The following ABL1 variants were observed in gnomAD, a reference collection of about 807,000 sequenced individuals.
ABL1 encodes the protein tyrosine-protein kinase ABL1.
A neutral mutation model predicts 94.7 loss-of-function variants in ABL1; 11 were observed. The ratio of observed to expected loss-of-function variants is 0.12; its 90% CI spans 0.07 to 0.19. The LOEUF (loss-of-function observed/expected upper bound fraction) is 0.19. Ranked by LOEUF, ABL1 falls within the 10% of genes least tolerant of loss-of-function variation. The probability of loss-of-function intolerance (pLI) is 1.00; values close to 1 mark genes in which losing one functional copy is unlikely to be tolerated. For synonymous variants in ABL1, 656 were observed against 622.4 expected, an observed-to-expected ratio of 1.05 and a Z score of -0.80; for missense variants, 1,082 against 1,489.4, an observed-to-expected ratio of 0.73 and a Z score of 4.50.
At chr9:130,763,492 T>C (rs1010351322) in intron 1 of ABL1, among the ~76,000 whole-genome samples, 6 of 152,100 alleles carry the variant, frequency 3.9e-5, no homozygotes, top group Admixed American at 3.9e-4. Context: ...GTTAGCTGAG[T>C]GGTTCTAGCT....
At chr9:130,811,632 A>C (rs1224206664) in intron 1 of ABL1, among the ~76,000 whole-genome samples, 1 of 152,144 alleles carries the variant, frequency 6.6e-6, no homozygotes, top group Non-Finnish European at 1.5e-5. Context: ...TAATGAGCCA[A>C]CAACAATAAA....
intron 1 of ABL1, among the ~76,000 whole-genome samples, chr9:130,817,832 C>T (rs890984204): frequency 3.9e-5 from 6 of 152,256 alleles, no homozygotes; most frequent in East Asian, 1.9e-4. Flanking sequence ...GTGTATTGAT[C>T]CATCCATCCA....
At chr9:130,823,088 G>T (rs1830385785) in intron 1 of ABL1, among the ~76,000 whole-genome samples, 1 of 152,166 alleles carries the variant, frequency 6.6e-6, no homozygotes, top group South Asian at 2.1e-4. Context: ...GAGCCACCGT[G>T]CCCGGCCTTC....
chr9:130,798,145 C>A (rs974918317), intron 1 of ABL1, among the ~76,000 whole-genome samples: 5 of 152,132 alleles, frequency 3.3e-5, no homozygotes. Context: ...TAAGAAAAAT[C>A]TTTTTAATCA....
chr9:130,783,615 CTG>C (rs1430044811), intron 1 of ABL1, among the ~76,000 whole-genome samples: 1 of 152,058 alleles, frequency 6.6e-6, no homozygotes, highest in Non-Finnish European at 1.5e-5. Flanking sequence ...AAGGTGAACA[CTG>C]TGGAAGTTTG....
At chr9:130,718,092 C>A (rs1410182686) in intron 1 of ABL1, among the ~76,000 whole-genome samples, 1 of 151,226 alleles carries the variant, frequency 6.6e-6, no homozygotes, top group African/African-American at 2.4e-5. Context: ...ATGAGGCAGG[C>A]GGATCACTTG....
intron 1 of ABL1, among the ~76,000 whole-genome samples, chr9:130,769,799 TC>T (rs1312640242): frequency 6.6e-6 from 1 of 152,158 alleles, no homozygotes; most frequent in Non-Finnish European, 1.5e-5. Flanking sequence ...ACAGAACAGT[TC>T]TATCACCCCC....
At chr9:130,823,769 CTT>C (rs1830393248) in intron 1 of ABL1, among the ~76,000 whole-genome samples, 1 of 152,126 alleles carries the variant, frequency 6.6e-6, no homozygotes. Flanking sequence ...GAAATGGAGT[CTT>C]TATTCTGGGG....
chr9:130,794,086 A>C (rs1272295860), intron 1 of ABL1, among the ~76,000 whole-genome samples: 2 of 152,128 alleles, frequency 1.3e-5, no homozygotes, highest in African/African-American at 4.8e-5. Context: ...TAATATAAAT[A>C]AAGTGCACAA....
intron 1 of ABL1, among the ~76,000 whole-genome samples, chr9:130,808,625 G>A (rs562993542): frequency 9.2e-5 from 14 of 152,194 alleles, no homozygotes; most frequent in Admixed American, 3.3e-4. Context: ...GACTTGCCTC[G>A]CATTCATCTT....
chr9:130,885,055 C>T lies in ABL1; in HGVS notation c.2765C>T (p.Ala922Val), dbSNP rs746334503. The change falls in exon 11 of 11, where the codon GCG (alanine) becomes GTG (valine). Residue 922 changes from alanine to valine, a missense_variant. This residue lies in a region of ABL1 where 780 missense variants were observed against 835.8 expected (regional missense o/e 0.93). Transcript: ENST00000318560. ...GKPSQSPSQEAAGEAVLGAKT... is the reference protein window; with the variant it reads ...GKPSQSPSQEVAGEAVLGAKT... ...CCCTCGCAGAGCCCGAGCCAGGAGG[C>T]GGCCGGGGAGGCAGTCCTGGGCGCA... The T allele has an allele frequency of 1.1e-5, 17 of 1,609,658 alleles. No homozygotes were observed. Among genetic ancestry groups the T allele is most frequent in the East Asian group, 8.9e-5 (4 of 44,800 alleles).
chr9:130,862,607 A>G lies in ABL1; in HGVS notation c.550-156A>G, dbSNP rs895077778. On this transcript the variant is annotated intron_variant, in intron 3 of 10. Coordinates refer to ENST00000318560, the MANE Select transcript of ABL1 (RefSeq NM_005157.6). The surrounding 1 kb of genome is among the most constrained non-coding windows in gnomAD (Gnocchi z 5.5). Reference sequence around the variant, plus strand: ...ACTTAGAGCACACGTAGAGAAAGACAGCAGAAGTGATCTTCTAAACACTCT... The same window carrying G: ...ACTTAGAGCACACGTAGAGAAAGACGGCAGAAGTGATCTTCTAAACACTCT... Among the ~76,000 whole-genome samples, 3 of 151,894 alleles carry G rather than the reference A, an allele frequency of 2.0e-5. No homozygotes were observed. The highest frequency in any genetic ancestry group is 4.4e-5 in the Non-Finnish European group (3 of 68,042).
rs531915780 is a variant in ABL1, at chr9:130,875,634, AT to A, written c.1270+585del. ...TTTGCTCATTGTCTCCCATGGTGTG[AT>A]TTAATATGTTCCTCTGACTTCAGTA... On this transcript the variant is annotated intron_variant, in intron 7 of 10. Transcript: ENST00000318560. 3.0e-3 allele frequency among the ~76,000 whole-genome samples: 455 copies of A among 152,096 alleles called. 4 individuals are homozygous for A. Among genetic ancestry groups the A allele is most frequent in the Admixed American group, 6.6e-3 (101 of 15,274 alleles).
At chr9:130,724,120 A>T (rs932481053) in intron 1 of ABL1, among the ~76,000 whole-genome samples, 3 of 150,958 alleles carry the variant, frequency 2.0e-5, no homozygotes, top group East Asian at 2.0e-4. Flanking sequence ...TTTTAAAAAA[A>T]TTTTTAAGAG....
intron 1 of ABL1, among the ~76,000 whole-genome samples, chr9:130,801,702 T>C (rs937156183): frequency 1.3e-5 from 2 of 152,204 alleles, no homozygotes; most frequent in Non-Finnish European, 2.9e-5. Context: ...TTTTGTTTTG[T>C]TTTTGCCCCT....
Position 130,885,695 on chromosome 9 carries a change from G to T in ABL1, c.*12G>T, listed in dbSNP as rs987569368. 6.2e-7 allele frequency: 1 copy of T among 1,602,228 alleles called. No individual in the cohort carries two copies. Among genetic ancestry groups the T allele is most frequent in the Non-Finnish European group, 8.5e-7 (1 of 1,173,290 alleles). ...TAGTGCAGAGGTAGCAGCAGTCAGG[G>T]GTCAGGTGTCAGGCCCGTCGGAGCT... On this transcript the variant is annotated 3_prime_UTR_variant, in exon 11 of 11. Coordinates refer to ENST00000318560, the MANE Select transcript of ABL1 (RefSeq NM_005157.6).
intron 1 of ABL1, among the ~76,000 whole-genome samples, chr9:130,718,223 C>A (rs1180515190): frequency 6.8e-6 from 1 of 147,864 alleles, no homozygotes; most frequent in East Asian, 2.0e-4. Context: ...GAGGCTGAGG[C>A]AGGAGAATAT....
intron 1 of ABL1, among the ~76,000 whole-genome samples, chr9:130,841,833 A>C (rs1830677088): frequency 6.6e-6 from 1 of 151,990 alleles, no homozygotes; most frequent in Non-Finnish European, 1.5e-5. Flanking sequence ...TTGGTTTTCA[A>C]ATCCTTCTTT....
intron 1 of ABL1, among the ~76,000 whole-genome samples, chr9:130,745,979 CT>C (rs1310497149): frequency 6.6e-6 from 1 of 152,148 alleles, no homozygotes; most frequent in Non-Finnish European, 1.5e-5. Flanking sequence ...CATGTAGGAG[CT>C]GTTATCCCTT....
Sources: gnomAD v4.1 joint callset for allele counts (sites outside exome capture counted in the v4.1 genomes callset) on GRCh38, gnomAD v4.1.1 for gene constraint, gnomAD v4.1.1 regional missense constraint, Gnocchi (gnomAD v3.1) non-coding constraint, MANE v1.5 for transcripts, NCBI Gene and HGNC (gene_info 2026-07-23, HGNC 2026-07-21) for gene names.